The following SGCD variants were observed in gnomAD, a reference collection of about 807,000 sequenced individuals.
SGCD encodes the protein sarcoglycan delta, also known as delta-sarcoglycan.
Under a neutral mutation model 36.6 loss-of-function variants are expected in SGCD, and 18 were observed. The ratio of observed to expected loss-of-function variants is 0.49; its 90% CI spans 0.34 to 0.73. SGCD has a LOEUF of 0.73. Ranked by LOEUF, SGCD falls within the 30% of genes least tolerant of loss-of-function variation. The probability of loss-of-function intolerance (pLI) is 0.01; values close to 1 mark genes in which losing one functional copy is unlikely to be tolerated. For synonymous variants in SGCD, 133 were observed against 130.6 expected, an observed-to-expected ratio of 1.02 and a Z score of -0.12; for missense variants, 387 against 346.7, an observed-to-expected ratio of 1.12 and a Z score of -0.92.
intron 1 of SGCD, among the ~76,000 whole-genome samples, chr5:155,911,338 TC>T (rs1169316664): frequency 6.6e-6 from 1 of 151,454 alleles, no homozygotes; most frequent in Non-Finnish European, 1.5e-5. Flanking sequence ...TATATATATT[TC>T]CCCCAGAATA....
intron 3 of SGCD, among the ~76,000 whole-genome samples, chr5:156,494,463 A>C (rs1756090106): frequency 6.6e-6 from 1 of 150,632 alleles, no homozygotes; most frequent in Non-Finnish European, 1.5e-5. Flanking sequence ...AATAAATTCC[A>C]AAAAAAAATT....
At chr5:156,337,651 T>C (rs1005112811) in intron 2 of SGCD, among the ~76,000 whole-genome samples, 4 of 152,186 alleles carry the variant, frequency 2.6e-5, no homozygotes, top group African/African-American at 9.7e-5. Context: ...TACAGGTACC[T>C]CTTCGTTCTT....
At chr5:155,817,034 A>G in the SGCD span, among the ~76,000 whole-genome samples, 10 of 152,262 alleles carry the variant, frequency 6.6e-5, no homozygotes, top group African/African-American at 2.4e-4. Flanking sequence ...TATATACAGC[A>G]TTTTGTATTT....
rs1425677814 is a variant in SGCD, at chr5:156,762,002, G to A, written c.*2612G>A. The A allele has an allele frequency of 6.6e-6, 1 of 152,452 alleles. No homozygotes were observed. 9.4% of individuals were successfully genotyped at this position (152,452 alleles called of 1,614,324 possible). The stretch of plus-strand genomic sequence containing the variant: ...GCATTTTGTTCAGATTTTGGAAATT[G>A]GTATGCATTATAAGTTTCTCAATGT... On this transcript the variant is annotated 3_prime_UTR_variant, in exon 9 of 9. Transcript: ENST00000337851.
intron 1 of SGCD, among the ~76,000 whole-genome samples, chr5:156,023,112 T>A (rs1265351661): frequency 6.6e-6 from 1 of 152,214 alleles, no homozygotes; most frequent in African/African-American, 2.4e-5. Flanking sequence ...TCTCTGAACT[T>A]CCTTTTCTTC....
chr5:156,005,707 C>T (rs2127569238), intron 1 of SGCD, among the ~76,000 whole-genome samples: 1 of 152,310 alleles, frequency 6.6e-6, no homozygotes, highest in African/African-American at 2.4e-5. Context: ...GCCTTGGCCT[C>T]CCAAAGTGCT....
intron 3 of SGCD, among the ~76,000 whole-genome samples, chr5:156,350,676 C>G (rs1250097270): frequency 6.6e-6 from 1 of 152,068 alleles, no homozygotes; most frequent in Non-Finnish European, 1.5e-5. Context: ...TTCATTTTCC[C>G]CATACATTGG....
chr5:156,078,247 C>T (rs1760844567), intron 1 of SGCD, among the ~76,000 whole-genome samples: 1 of 151,678 alleles, frequency 6.6e-6, no homozygotes, highest in African/African-American at 2.4e-5. Flanking sequence ...GGTGTGGTGG[C>T]TTATGTCTGT....
intron 3 of SGCD, among the ~76,000 whole-genome samples, chr5:156,398,785 C>T (rs1045567594): frequency 2.6e-5 from 4 of 152,136 alleles, no homozygotes; most frequent in Admixed American, 6.6e-5. Context: ...CTAGGGTAAC[C>T]TTGAACATCA....
At chr5:155,916,278 A>G (rs997394578) in intron 1 of SGCD, among the ~76,000 whole-genome samples, 10 of 152,216 alleles carry the variant, frequency 6.6e-5, no homozygotes, top group Non-Finnish European at 1.0e-4. Context: ...ATAAAAAAAC[A>G]GAAAAGGTAG....
intron 1 of SGCD, among the ~76,000 whole-genome samples, chr5:155,906,295 A>G (rs1236039588): frequency 1.3e-5 from 2 of 152,020 alleles, no homozygotes; most frequent in East Asian, 3.9e-4. Context: ...CTGAGACACA[A>G]TCATACTCAC....
the SGCD span, among the ~76,000 whole-genome samples, chr5:155,814,692 A>T: frequency 1.3e-5 from 2 of 152,214 alleles, no homozygotes; most frequent in Admixed American, 1.3e-4. Flanking sequence ...AGGATCAGGG[A>T]TATCAATACT....
chr5:156,030,001 C>T (rs1045317593), intron 1 of SGCD, among the ~76,000 whole-genome samples: 2 of 152,132 alleles, frequency 1.3e-5, no homozygotes, highest in Admixed American at 1.3e-4. Flanking sequence ...CAATTTCCCA[C>T]ACTGAATGGA....
At chr5:155,940,860 C>T (rs1344420231) in intron 1 of SGCD, among the ~76,000 whole-genome samples, 1 of 147,286 alleles carries the variant, frequency 6.8e-6, no homozygotes, top group African/African-American at 2.6e-5. Flanking sequence ...AAACAAACAA[C>T]AACAACAACA....
At chr5:156,553,511 G>A (rs76279578) in intron 4 of SGCD, among the ~76,000 whole-genome samples, 2,669 of 151,978 alleles carry the variant, frequency 0.018, 31 homozygotes, top group Non-Finnish European at 0.029. Context: ...ACACTTCAGT[G>A]GTTTTTCATA....
At chr5:156,107,279 A>C (rs1761671617) in intron 1 of SGCD, among the ~76,000 whole-genome samples, 1 of 152,134 alleles carries the variant, frequency 6.6e-6, no homozygotes, top group Non-Finnish European at 1.5e-5. Flanking sequence ...TCTGTAGGTT[A>C]AGTGGTTTTA....
intron 1 of SGCD, among the ~76,000 whole-genome samples, chr5:156,078,649 C>T (rs1044862319): frequency 8.3e-5 from 12 of 145,338 alleles, no homozygotes; most frequent in African/African-American, 3.0e-4. Flanking sequence ...TTTATATACA[C>T]ACACACATAT....
chr5:156,078,561 T>A (rs182419498), intron 1 of SGCD, among the ~76,000 whole-genome samples: 2,260 of 118,240 alleles, frequency 0.019, 58 homozygotes, highest in African/African-American at 0.081. Context: ...ATATTTATAT[T>A]TATATATATA....
chr5:156,637,036 C>G (rs1296439140), intron 6 of SGCD, among the ~76,000 whole-genome samples: 1 of 152,008 alleles, frequency 6.6e-6, no homozygotes, highest in Non-Finnish European at 1.5e-5. Context: ...TTGTAGTTCC[C>G]ATAATCACCA....
Sources: gnomAD v4.1 joint callset for allele counts (sites outside exome capture counted in the v4.1 genomes callset) on GRCh38, gnomAD v4.1.1 for gene constraint, MANE v1.5 for transcripts, NCBI Gene and HGNC (gene_info 2026-07-23, HGNC 2026-07-21) for gene names.